HEATR5B: variants seen among roughly 807,000 people sequenced by gnomAD.
The protein encoded by HEATR5B is HEAT repeat containing 5B.
Under a neutral mutation model 224.1 loss-of-function variants are expected in HEATR5B, and 156 were observed. The observed-to-expected ratio is 0.70, with a 90% CI of 0.61 to 0.80. The LOEUF (loss-of-function observed/expected upper bound fraction) is 0.80, where lower values mean the gene tolerates loss of function less well. HEATR5B is among the 30% of genes least tolerant of loss of function. HEATR5B has a pLI of 0.00. For synonymous variants in HEATR5B, 1,027 were observed against 893.0 expected (o/e 1.15, Z -2.68); for missense variants, 2,323 against 2,535.5 (o/e 0.92, Z 1.80).
At chr2:37,003,818 A>C in intron 30 of HEATR5B, 132 bp from the exon 31 acceptor site, 1 of 501,046 alleles carries the variant, frequency 2.0e-6, no homozygotes, top group Non-Finnish European at 3.4e-6. Flanking sequence ...AGGACTACGT[A>C]ACAAATAAGA....
chr2:37,075,761 A>C, intron 4 of HEATR5B, 127 bp from the exon 5 acceptor site: 1 of 551,920 alleles, frequency 1.8e-6, no homozygotes, highest in Non-Finnish European at 3.1e-6. Context: ...AAATAATGAA[A>C]AGTACAATAA....
chr2:37,049,590 G>T, intron 18 of HEATR5B, 63 bp downstream of exon 18: 1 of 1,387,274 alleles, frequency 7.2e-7, no homozygotes, highest in South Asian at 1.2e-5. Flanking sequence ...AACTCCAGTT[G>T]ATTATTATTT....
intron 5 of HEATR5B, among the ~76,000 whole-genome samples, chr2:37,074,213 C>G (rs770284090): frequency 2.0e-5 from 3 of 151,448 alleles, no homozygotes; most frequent in Non-Finnish European, 4.4e-5. Context: ...GTCCCAGCTA[C>G]TTGGGAGGCT....
rs1379773526 is a variant in HEATR5B at position 37,028,006 on chromosome 2, C to T, written c.3770G>A (p.Arg1257Gln). Residue 1257 changes from arginine to glutamine, a missense_variant, in exon 24 of 36, where the codon CGA (arginine) becomes CAA (glutamine). This residue lies in a region of HEATR5B where 339 missense variants were observed against 378.4 expected (regional missense o/e 0.90). Transcript: ENST00000233099. The part of the protein sequence containing the change: ...TRVFAADCLC[R>Q]IINLCENADQ... ...TGCATTCTCACACAAATTGATGATT[C>T]GACACAGGCAATCGGCAGCAAATAC... The T allele has an allele frequency of 2.5e-6, 4 of 1,614,070 alleles. No homozygotes were observed. Among genetic ancestry groups the T allele is most frequent in the Admixed American group, 1.7e-5 (1 of 60,014 alleles).
rs1215023151 is a variant in HEATR5B, at chr2:37,028,090, G to C, written c.3686C>G (p.Thr1229Ser). ...KDEMDDDTMF[T>S]TLGEEDKSKP... ...TGATTTATCTTCTTCACCTAACGTG[G>C]TAAACATGGTATCATCATCCATCTC... The change falls in exon 24 of 36, where the codon ACC (threonine) becomes AGC (serine). Residue 1229 changes from threonine (T) to serine (S), a missense_variant. By Grantham distance (58) the Thr-to-Ser change is moderately conservative. Around this residue, in one of 12 missense-constraint regions of HEATR5B, gnomAD observed 339 missense variants for 378.4 expected, o/e 0.90. Transcript: ENST00000233099. 1.2e-6 allele frequency: 2 copies of C among 1,613,586 alleles called. No individual in the cohort carries two copies. The highest frequency in any genetic ancestry group is 1.7e-6 in the Non-Finnish European group (2 of 1,179,624).
intron 35 of HEATR5B, among the ~76,000 whole-genome samples, chr2:36,985,556 C>G (rs1665894259): frequency 7.0e-6 from 1 of 142,048 alleles, no homozygotes; most frequent in Non-Finnish European, 1.5e-5. Flanking sequence ...CTCCTGGGTT[C>G]AAGCGATTCT....
At chr2:37,040,591 T>G in intron 19 of HEATR5B, 73 bp from the exon 20 acceptor site, 3 of 1,043,976 alleles carry the variant, frequency 2.9e-6, no homozygotes, top group South Asian at 1.7e-5. Context: ...TACTGAATTG[T>G]TACATGGGTA....
At chr2:37,009,437 C>A (rs1189128825) in intron 27 of HEATR5B, among the ~76,000 whole-genome samples, 2 of 151,766 alleles carry the variant, frequency 1.3e-5, no homozygotes, top group Non-Finnish European at 2.9e-5. Context: ...GCTAGCCAGG[C>A]ATGGTGGCAC....
At chr2:37,072,368 C>G in intron 5 of HEATR5B, 87 bp from the exon 6 acceptor site, 1 of 833,006 alleles carries the variant, frequency 1.2e-6, no homozygotes, top group Non-Finnish European at 1.8e-6. Flanking sequence ...ACCACCTCTC[C>G]TGAGATAACC....
chr2:37,049,553 C>G, intron 18 of HEATR5B, 100 bp downstream of exon 18: 3 of 1,014,088 alleles, frequency 3.0e-6, no homozygotes, highest in Non-Finnish European at 4.4e-6. Context: ...AATATTATCA[C>G]ATGCTGTATA....
intron 35 of HEATR5B, among the ~76,000 whole-genome samples, chr2:36,982,945 T>G (rs1338505409): frequency 6.6e-6 from 1 of 150,442 alleles, no homozygotes; most frequent in South Asian, 2.1e-4. Flanking sequence ...TTGTCTGTGT[T>G]TTCCTACCAG....
intron 33 of HEATR5B, among the ~76,000 whole-genome samples, chr2:36,994,222 T>C (rs1181486649): frequency 6.6e-6 from 1 of 152,190 alleles, no homozygotes. Flanking sequence ...CTGGTGAATC[T>C]AGGAGAAGGG....
rs1023196754 is a variant in HEATR5B at position 37,058,914 on chromosome 2, A to C, written c.1923T>G (p.Ile641Met). The C allele has an allele frequency of 1.9e-6, 3 of 1,609,674 alleles. No individual in the cohort carries two copies. Among genetic ancestry groups the C allele is most frequent in the Non-Finnish European group, 2.5e-6 (3 of 1,177,048 alleles). The change falls in exon 13 of 36, where the codon ATT (isoleucine) becomes ATG (methionine). Residue 641 changes from isoleucine (I) to methionine (M), a missense_variant. Ile to Met is a conservative substitution (Grantham distance 10, BLOSUM62 1). Coordinates refer to ENST00000233099, the MANE Select transcript of HEATR5B (RefSeq NM_019024.3). ...GTGACATCATAGTCATGGCACATTC[A>C]ATAGGGGTCATCAATTTTCGAATCA... is the stretch of plus-strand genomic sequence containing the variant. ...EDVIRKLMTP[I>M]ECAMTMMSHI... is the part of the protein sequence containing the mutation.
At chr2:37,060,522 C>T in intron 12 of HEATR5B, 59 bp downstream of exon 12, 1 of 1,384,454 alleles carries the variant, frequency 7.2e-7, no homozygotes, top group African/African-American at 1.5e-5. Flanking sequence ...TTTTCTTTTA[C>T]TTTACAAATA....
rs781778296 is a variant in HEATR5B at position 37,068,860 on chromosome 2, T to C, written c.998A>G (p.His333Arg). Reference protein sequence around the residue: ...LERSFATFLSHVLDLVSHPRA... With the variant: ...LERSFATFLSRVLDLVSHPRA... Reference sequence around the variant, plus strand: ...AGGATGGGAAACCAGATCAAGTACATGGGACAGGAACGTGGCAAAGCTGCG... The same window carrying C: ...AGGATGGGAAACCAGATCAAGTACACGGGACAGGAACGTGGCAAAGCTGCG... Residue 333 changes from histidine to arginine, a missense_variant, in exon 8 of 36, where the codon CAT becomes CGT. Physicochemically the swap from His to Arg is conservative, Grantham distance 29. Transcript: ENST00000233099. 1.9e-6 allele frequency: 3 copies of C among 1,614,124 alleles called. No individual in the cohort carries two copies. The highest frequency in any genetic ancestry group is 1.3e-5 in the African/African-American group (1 of 75,032).
intron 22 of HEATR5B, among the ~76,000 whole-genome samples, chr2:37,030,266 AAAC>A (rs561286570): frequency 2.5e-4 from 38 of 152,254 alleles, no homozygotes; most frequent in Non-Finnish European, 4.6e-4. Flanking sequence ...TGACATTCTA[AAAC>A]AATAGAAAAA....
In HEATR5B at chr2:36,990,713, C is replaced by T; in HGVS notation, c.5632G>A (p.Val1878Ile). 2 of 1,611,284 alleles carry T rather than the reference C, an allele frequency of 1.2e-6. No individual in the cohort carries two copies. The highest frequency in any genetic ancestry group is 1.7e-6 in the Non-Finnish European group (2 of 1,178,538). The change falls in exon 34 of 36, where the codon GTC becomes ATC. Residue 1878 changes from valine (V) to isoleucine (I), a missense_variant. Coordinates refer to ENST00000233099, the MANE Select transcript of HEATR5B (RefSeq NM_019024.3). ...LWSASNEIIG[V>I]QSLQNGCMNR... ...ATGCAGCCATTCTGTAATGACTGGACTCCTATTATTTCATTACTAGCAGAC... is the reference window on the plus strand; with the variant it reads ...ATGCAGCCATTCTGTAATGACTGGATTCCTATTATTTCATTACTAGCAGAC...
intron 22 of HEATR5B, 69 bp downstream of exon 22, chr2:37,032,560 T>C (rs573861985): frequency 1.1e-5 from 14 of 1,282,276 alleles, no homozygotes; most frequent in East Asian, 2.4e-5. Flanking sequence ...TGTTATTTGA[T>C]AAATAGTACT....
At chr2:36,995,028 G>C (rs1032143874) in intron 33 of HEATR5B, among the ~76,000 whole-genome samples, 2 of 151,216 alleles carry the variant, frequency 1.3e-5, no homozygotes, top group Non-Finnish European at 2.9e-5. Context: ...GGGATTACAG[G>C]TGTGGGCCAC....
Sources: gnomAD v4.1 joint callset for allele counts (sites outside exome capture counted in the v4.1 genomes callset) on GRCh38, gnomAD v4.1.1 for gene constraint, gnomAD v4.1.1 regional missense constraint, MANE v1.5 for transcripts, NCBI Gene and HGNC (gene_info 2026-07-23, HGNC 2026-07-21) for gene names.